The following AUTS2 variants were observed in gnomAD, a reference collection of about 807,000 sequenced individuals.
AUTS2 encodes activator of transcription and developmental regulator AUTS2.
Under a neutral mutation model 112.4 loss-of-function variants are expected in AUTS2, and 17 were observed. The ratio of observed to expected loss-of-function variants is 0.15; its 90% CI spans 0.10 to 0.23. The LOEUF (loss-of-function observed/expected upper bound fraction) is 0.23, where lower values mean the gene tolerates loss of function less well. AUTS2 is among the 10% of genes least tolerant of loss of function. AUTS2 has a pLI of 1.00. For missense variants in AUTS2, 1,510 were observed against 1,701.6 expected (o/e 0.89, Z 1.98); for synonymous variants, 751 against 702.7 (o/e 1.07, Z -1.09).
At chr7:70,695,597 C>CTGCGT (rs1232250861) in intron 5 of AUTS2, among the ~76,000 whole-genome samples, 1 of 152,246 alleles carries the variant, frequency 6.6e-6, no homozygotes, top group African/African-American at 2.4e-5. Context: ...CCCCCGGGGT[C>CTGCGT]TGCGTCCGAA....
chr7:70,018,703 G>T (rs570018924), intron 2 of AUTS2, among the ~76,000 whole-genome samples: 1 of 152,152 alleles, frequency 6.6e-6, no homozygotes, highest in Non-Finnish European at 1.5e-5. Flanking sequence ...ATAATCTGCC[G>T]TGGTGAGTTG....
chr7:70,052,111 A>G, intron 2 of AUTS2, among the ~76,000 whole-genome samples: 1 of 152,236 alleles, frequency 6.6e-6, no homozygotes, highest in African/African-American at 2.4e-5. Context: ...AGTATTGTGC[A>G]GTGCAGCAAG....
chr7:70,195,840 T>G (rs1357176506), intron 4 of AUTS2, among the ~76,000 whole-genome samples: 1 of 152,188 alleles, frequency 6.6e-6, no homozygotes, highest in African/African-American at 2.4e-5. Context: ...TCGGAATTCT[T>G]TCAAGGAAAG....
At chr7:70,470,406 T>C (rs183009756) in intron 5 of AUTS2, among the ~76,000 whole-genome samples, 23 of 152,294 alleles carry the variant, frequency 1.5e-4, no homozygotes, top group African/African-American at 5.1e-4. Context: ...GAGAGCCTCA[T>C]GGTCAAGGTG....
chr7:70,631,815 T>A lies in AUTS2; in HGVS notation c.691-66754T>A, dbSNP rs1346092082. On this transcript the variant is annotated intron_variant, in intron 5 of 18. Coordinates refer to ENST00000342771, the MANE Select transcript of AUTS2 (RefSeq NM_015570.4). This position sits in a 1 kb window ranked among gnomAD's most constrained non-coding sequence, Gnocchi z 4.5. ...CAGCATCTCCAGCCCCGCGCCCGTGTGTGCTAACTTGCTAGGGGGCAGGGC... is the reference window on the plus strand; with the variant it reads ...CAGCATCTCCAGCCCCGCGCCCGTGAGTGCTAACTTGCTAGGGGGCAGGGC... Among the ~76,000 whole-genome samples, 1 of 152,102 alleles carries A rather than the reference T, an allele frequency of 6.6e-6. No individual in the cohort carries two copies. The highest frequency in any genetic ancestry group is 1.5e-5 in the Non-Finnish European group (1 of 68,016).
chr7:70,048,853 A>G (rs1419333521), intron 2 of AUTS2, among the ~76,000 whole-genome samples: 1 of 152,218 alleles, frequency 6.6e-6, no homozygotes, highest in Non-Finnish European at 1.5e-5. Context: ...CCACCCAGTG[A>G]TATCTTGGCT....
chr7:69,649,708 A>T (rs1036985414), intron 1 of AUTS2, among the ~76,000 whole-genome samples: 2 of 152,154 alleles, frequency 1.3e-5, no homozygotes, highest in Non-Finnish European at 2.9e-5. Flanking sequence ...ACATTAAAAA[A>T]AAAAGCTAAA....
chr7:69,837,196 A>G (rs1791765190), intron 1 of AUTS2, among the ~76,000 whole-genome samples: 1 of 152,210 alleles, frequency 6.6e-6, no homozygotes, highest in Admixed American at 6.5e-5. Flanking sequence ...GATTATTATG[A>G]GGATTCTGTG....
At chr7:70,232,964 G>A (rs1287451233) in intron 4 of AUTS2, among the ~76,000 whole-genome samples, 2 of 152,116 alleles carry the variant, frequency 1.3e-5, no homozygotes, top group Admixed American at 1.3e-4. Flanking sequence ...AAAACTTACT[G>A]CTTTTTCTGC....
chr7:69,775,219 T>G (rs947920084), intron 1 of AUTS2, among the ~76,000 whole-genome samples: 5 of 152,180 alleles, frequency 3.3e-5, no homozygotes, highest in Admixed American at 1.3e-4. Flanking sequence ...AGGACACTTA[T>G]CTTCTTGGTG....
chr7:70,644,491 G>A (rs1000997539), intron 5 of AUTS2, among the ~76,000 whole-genome samples: 2 of 152,178 alleles, frequency 1.3e-5, no homozygotes, highest in East Asian at 1.9e-4. Flanking sequence ...CGCTCTCCAC[G>A]AACTGTCTCC....
chr7:70,306,539 T>G (rs566167190), intron 4 of AUTS2, among the ~76,000 whole-genome samples: 19 of 152,358 alleles, frequency 1.2e-4, no homozygotes, highest in African/African-American at 4.6e-4. Context: ...CAGTTTTTAT[T>G]GTATTGTCTA....
chr7:69,856,355 A>G (rs1792719947), intron 1 of AUTS2, among the ~76,000 whole-genome samples: 1 of 152,200 alleles, frequency 6.6e-6, no homozygotes, highest in African/African-American at 2.4e-5. Context: ...CTGAGCTTTG[A>G]GAAGCATACT....
At chr7:70,767,609 A>T (rs1248336444) in intron 9 of AUTS2, among the ~76,000 whole-genome samples, 2 of 152,210 alleles carry the variant, frequency 1.3e-5, no homozygotes, top group Admixed American at 6.5e-5. Flanking sequence ...AATACATTTC[A>T]GAAGACAGCT....
intron 5 of AUTS2, chr7:70,436,367 C>T (rs2130877392): frequency 6.6e-6 from 1 of 152,384 alleles, no homozygotes; most frequent in South Asian, 2.1e-4. Context: ...CTCATGGGCA[C>T]CAGCCTCTGT....
chr7:70,698,368 T>G (rs1037004842), intron 5 of AUTS2, among the ~76,000 whole-genome samples: 37 of 150,602 alleles, frequency 2.5e-4, no homozygotes, highest in African/African-American at 9.3e-4. Context: ...TCAGATTTTT[T>G]TCCCCCCAGC....
chr7:70,635,146 C>T (rs534004312), intron 5 of AUTS2, among the ~76,000 whole-genome samples: 207 of 152,260 alleles, frequency 1.4e-3, no homozygotes, highest in African/African-American at 4.6e-3. Flanking sequence ...TTTCATGCCA[C>T]GTTAGAGGTT....
In AUTS2 at chr7:70,237,510, T is replaced by A. The variant is rs529375060; in HGVS notation, c.660+102939T>A. 3.5e-4 allele frequency among the ~76,000 whole-genome samples: 53 copies of A among 152,360 alleles called. No homozygotes were observed. In the South Asian group the frequency reaches 8.1e-3, roughly 23 times the overall value. ...CCTGGCTGTGTCCAAAGTGTAATAT[T>A]TAATTGCATTTTCTTAATCTTTACC... On this transcript the variant is annotated intron_variant, in intron 4 of 18. Coordinates refer to ENST00000342771, the MANE Select transcript of AUTS2 (RefSeq NM_015570.4).
chr7:70,410,701 G>A (rs1326539789), intron 4 of AUTS2, among the ~76,000 whole-genome samples: 11 of 151,802 alleles, frequency 7.2e-5, no homozygotes, highest in African/African-American at 2.7e-4. Flanking sequence ...GATTACAAGC[G>A]TGAGCCACTG....
Sources: gnomAD v4.1 joint callset for allele counts (sites outside exome capture counted in the v4.1 genomes callset) on GRCh38, gnomAD v4.1.1 for gene constraint, Gnocchi (gnomAD v3.1) non-coding constraint, MANE v1.5 for transcripts, NCBI Gene and HGNC (gene_info 2026-07-23, HGNC 2026-07-21) for gene names.